The following ARB2A variants were observed in gnomAD, a reference collection of about 807,000 sequenced individuals.
ARB2A encodes cotranscriptional regulator ARB2A.
chr5:93,814,137 TG>T, the ARB2A span, among the ~76,000 whole-genome samples: 1 of 152,182 alleles, frequency 6.6e-6, no homozygotes. Context: ...CTCTATCTTG[TG>T]GCTCAGGCCT....
chr5:93,689,166 C>T, the ARB2A span, among the ~76,000 whole-genome samples: 1 of 152,080 alleles, frequency 6.6e-6, no homozygotes, highest in Non-Finnish European at 1.5e-5. Context: ...GTCAAATGTA[C>T]CACATATTCT....
At chr5:94,037,566 A>G in the ARB2A span, among the ~76,000 whole-genome samples, 3 of 152,138 alleles carry the variant, frequency 2.0e-5, no homozygotes, top group Admixed American at 2.0e-4. Flanking sequence ...ATCTACCCAC[A>G]TTATTCTTCA....
the ARB2A span, among the ~76,000 whole-genome samples, chr5:93,800,849 T>C: frequency 1.3e-5 from 2 of 152,132 alleles, no homozygotes; most frequent in African/African-American, 4.8e-5. Context: ...TTAGGAATGG[T>C]AGCACATCAA....
chr5:93,833,711 G>C, the ARB2A span, among the ~76,000 whole-genome samples: 1 of 152,142 alleles, frequency 6.6e-6, no homozygotes, highest in East Asian at 1.9e-4. Flanking sequence ...CAAAGTACAT[G>C]CTTTTTATAC....
the ARB2A span, among the ~76,000 whole-genome samples, chr5:93,623,708 G>A: frequency 6.6e-6 from 1 of 152,126 alleles, no homozygotes; most frequent in Non-Finnish European, 1.5e-5. Flanking sequence ...TAATGAGAAT[G>A]TGTGCTTCTG....
At chr5:93,634,762 C>T in the ARB2A span, among the ~76,000 whole-genome samples, 1 of 151,734 alleles carries the variant, frequency 6.6e-6, no homozygotes, top group Admixed American at 6.6e-5. Context: ...AACTGAGACT[C>T]TTTTCCTTTC....
the ARB2A span, among the ~76,000 whole-genome samples, chr5:93,970,451 A>T: frequency 4.6e-5 from 7 of 152,180 alleles, no homozygotes; most frequent in Non-Finnish European, 1.0e-4. Context: ...ATCATTTTTT[A>T]AAAGTTTTTA....
chr5:93,681,256 A>C, the ARB2A span, among the ~76,000 whole-genome samples: 20 of 152,170 alleles, frequency 1.3e-4, no homozygotes, highest in African/African-American at 4.6e-4. Context: ...TTCTGAAACA[A>C]CGCGTCCTAC....
the ARB2A span, among the ~76,000 whole-genome samples, chr5:94,108,456 G>A: frequency 6.6e-6 from 1 of 151,686 alleles, no homozygotes; most frequent in Non-Finnish European, 1.5e-5. Flanking sequence ...ACAATTACAG[G>A]ATTAAAGAGT....
the ARB2A span, among the ~76,000 whole-genome samples, chr5:93,763,100 T>C: frequency 6.6e-6 from 1 of 151,490 alleles, no homozygotes; most frequent in East Asian, 1.9e-4. Flanking sequence ...ACATGCCAAA[T>C]TGTAAAGACC....
chr5:93,620,979 C>A, the ARB2A span: 6 of 1,600,700 alleles, frequency 3.7e-6, no homozygotes, highest in African/African-American at 2.7e-5. Context: ...CCGTCGCGCT[C>A]GCTCCTCTTA....
the ARB2A span, among the ~76,000 whole-genome samples, chr5:93,997,012 C>G: frequency 6.6e-6 from 1 of 152,016 alleles, no homozygotes; most frequent in South Asian, 2.1e-4. Flanking sequence ...AGACAGGTGT[C>G]TGCTCTCAGG....
chr5:93,865,854 G>C, the ARB2A span: 3 of 985,260 alleles, frequency 3.0e-6, no homozygotes, highest in Non-Finnish European at 3.6e-6. Flanking sequence ...TACAATTTGT[G>C]AGGTCAAATA....
chr5:94,101,386 C>T, the ARB2A span, among the ~76,000 whole-genome samples: 3 of 152,112 alleles, frequency 2.0e-5, no homozygotes, highest in South Asian at 2.1e-4. Context: ...AGCAGTATAG[C>T]GTTTCCTCAA....
At chr5:93,785,528 C>T in the ARB2A span, among the ~76,000 whole-genome samples, 1 of 152,118 alleles carries the variant, frequency 6.6e-6, no homozygotes, top group Non-Finnish European at 1.5e-5. Context: ...AGAGAAAGAA[C>T]ACTGCACACC....
the ARB2A span, among the ~76,000 whole-genome samples, chr5:93,685,552 A>T: frequency 2.0e-5 from 3 of 152,226 alleles, no homozygotes; most frequent in South Asian, 6.2e-4. Flanking sequence ...GTACTGAAAA[A>T]AAGAACTGCA....
chr5:93,849,626 G>C, the ARB2A span, among the ~76,000 whole-genome samples: 1 of 152,002 alleles, frequency 6.6e-6, no homozygotes, highest in African/African-American at 2.4e-5. Context: ...CCTTCTAATT[G>C]AGGAATATAA....
At chr5:94,063,661 G>A in the ARB2A span, among the ~76,000 whole-genome samples, 5 of 151,978 alleles carry the variant, frequency 3.3e-5, no homozygotes, top group African/African-American at 1.2e-4. Flanking sequence ...CCAAGGAATA[G>A]CCTACCTGGT....
the ARB2A span, among the ~76,000 whole-genome samples, chr5:93,641,007 C>T: frequency 9.1e-3 from 1,379 of 152,006 alleles, 17 homozygotes; most frequent in South Asian, 0.041. Context: ...TGAGACCAGC[C>T]TGATCAACAT....
Sources: allele counts gnomAD v4.1 joint callset (sites outside exome capture counted in the v4.1 genomes callset), GRCh38; gene constraint gnomAD v4.1.1; transcripts MANE v1.5; gene names NCBI Gene and HGNC (gene_info 2026-07-23, HGNC 2026-07-21).